PCLO: variants seen among roughly 807,000 people sequenced by gnomAD.
PCLO encodes protein piccolo.
PCLO carries 82 observed loss-of-function variants against 427.5 expected under a neutral mutation model. The ratio of observed to expected loss-of-function variants is 0.19; its 90% confidence interval spans 0.16 to 0.23. The LOEUF (loss-of-function observed/expected upper bound fraction) is 0.23. PCLO is among the 10% of genes least tolerant of loss of function. The probability of loss-of-function intolerance (pLI) is 1.00; values close to 1 mark genes in which losing one functional copy is unlikely to be tolerated. For missense variants in PCLO, 6,239 were observed against 6,115.9 expected, an observed-to-expected ratio of 1.02 and a Z score of -0.67; for synonymous variants, 2,357 against 2,155.4, an observed-to-expected ratio of 1.09 and a Z score of -2.59.
chr7:83,083,320 A>G (rs1790150444), intron 3 of PCLO, among the ~76,000 whole-genome samples: 1 of 152,030 alleles, frequency 6.6e-6, no homozygotes, highest in African/African-American at 2.4e-5. Context: ...ATGTTTGGAA[A>G]GCAATGTACA....
chr7:82,875,812 A>C (rs1793355496), intron 10 of PCLO, among the ~76,000 whole-genome samples: 1 of 152,142 alleles, frequency 6.6e-6, no homozygotes, highest in Non-Finnish European at 1.5e-5. Context: ...AAATCAAAAT[A>C]AAACTATAAA....
chr7:82,994,950 G>GATT (rs1420960946), intron 3 of PCLO, among the ~76,000 whole-genome samples: 3 of 151,908 alleles, frequency 2.0e-5, no homozygotes, highest in Non-Finnish European at 4.4e-5. Flanking sequence ...TTTCTGGGTG[G>GATT]ATTACTGTGT....
At chr7:82,801,672 G>T (rs535096033) in intron 21 of PCLO, 81 bp from the exon 22 acceptor site, 15 of 808,764 alleles carry the variant, frequency 1.9e-5, no homozygotes, top group Non-Finnish European at 2.6e-5. Flanking sequence ...TAAATAAAAT[G>T]ACATTGATAG....
intron 22 of PCLO, among the ~76,000 whole-genome samples, chr7:82,773,561 G>A (rs964607390): frequency 1.3e-5 from 2 of 151,956 alleles, no homozygotes; most frequent in Non-Finnish European, 2.9e-5. Flanking sequence ...GCTTTCTTCA[G>A]AAGCAACATA....
intron 16 of PCLO, among the ~76,000 whole-genome samples, chr7:82,830,047 C>G (rs1350900582): frequency 1.3e-5 from 2 of 151,598 alleles, no homozygotes; most frequent in Non-Finnish European, 2.9e-5. Flanking sequence ...ATATGACATA[C>G]ATATATATTA....
chr7:82,851,879 C>T (rs976760272), intron 10 of PCLO, among the ~76,000 whole-genome samples: 1 of 152,068 alleles, frequency 6.6e-6, no homozygotes, highest in Admixed American at 6.6e-5. Context: ...ACTCATTGCT[C>T]ATTCATTTTA....
intron 2 of PCLO, among the ~76,000 whole-genome samples, chr7:83,146,518 A>C (rs1224149645): frequency 6.6e-6 from 1 of 152,126 alleles, no homozygotes; most frequent in Non-Finnish European, 1.5e-5. Context: ...AAACTGTTAG[A>C]TATGTGTGTT....
intron 3 of PCLO, among the ~76,000 whole-genome samples, chr7:83,037,184 C>A (rs2116180487): frequency 6.6e-6 from 1 of 152,232 alleles, no homozygotes; most frequent in Non-Finnish European, 1.5e-5. Flanking sequence ...TAGCAGGTTG[C>A]TAGGCTACTT....
chr7:83,039,821 T>C (rs1788927678), intron 3 of PCLO, among the ~76,000 whole-genome samples: 1 of 152,178 alleles, frequency 6.6e-6, no homozygotes, highest in Admixed American at 6.5e-5. Flanking sequence ...TCTTCCAATC[T>C]ATTAACATGG....
At chr7:83,158,031 C>T (rs370304056) in intron 1 of PCLO, among the ~76,000 whole-genome samples, 1 of 151,774 alleles carries the variant, frequency 6.6e-6, no homozygotes, top group African/African-American at 2.4e-5. Flanking sequence ...AGCAGAAAGA[C>T]GCAAAGAAGC....
At chr7:82,986,476 C>G (rs1796260067) in intron 3 of PCLO, among the ~76,000 whole-genome samples, 1 of 151,878 alleles carries the variant, frequency 6.6e-6, no homozygotes. Flanking sequence ...TTCACTGACA[C>G]ACAGAAGAGG....
chr7:83,162,422 G>C lies in PCLO; in HGVS notation c.171C>G (p.Ala57=). Residue 57 remains alanine, a synonymous_variant, in exon 1 of 25, where the codon GCC becomes GCG. Coordinates refer to ENST00000333891, the MANE Select transcript of PCLO (RefSeq NM_033026.6). ...GCCCCTGCGCCCTTGACATGACAGC[G>C]GCGATCTGTCTCCTCTCCTCTTCGC... ...QLSEEERRQI[A]AVMSRAQGLP... is the part of the protein sequence containing the mutation. 6.3e-7 allele frequency: 1 copy of C among 1,597,226 alleles called. No homozygotes were observed.
intron 3 of PCLO, among the ~76,000 whole-genome samples, chr7:83,051,842 G>C (rs1261735679): frequency 6.6e-6 from 1 of 152,032 alleles, no homozygotes; most frequent in Non-Finnish European, 1.5e-5. Flanking sequence ...TGTGGTTTTG[G>C]CAAGAAAGAC....
intron 3 of PCLO, among the ~76,000 whole-genome samples, chr7:83,100,555 C>A (rs4504580): frequency 0.46 from 69,793 of 151,892 alleles, 16,445 homozygotes; most frequent in East Asian, 0.71. Flanking sequence ...AACACAGAAA[C>A]AGAAAACCAA....
intron 6 of PCLO, 129 bp downstream of exon 6, chr7:82,949,347 G>T: frequency 1.4e-6 from 1 of 702,050 alleles, no homozygotes; most frequent in Non-Finnish European, 2.4e-6. Context: ...AATTTCTAAG[G>T]CAATAATCTT....
At chr7:82,820,347 T>A (rs1381856928) in intron 20 of PCLO, 1 of 208,210 alleles carries the variant, frequency 4.8e-6, no homozygotes. Flanking sequence ...CTCTCAAATG[T>A]CCAATCATTA....
rs1795521794 is a variant in PCLO, at chr7:82,956,419, A to T, written c.4534T>A (p.Ser1512Thr). The change falls in exon 5 of 25, where the codon TCA becomes ACA. Residue 1512 changes from serine to threonine, a missense_variant. Coordinates refer to ENST00000333891, the MANE Select transcript of PCLO (RefSeq NM_033026.6). ...DITTRREPYD[S>T]VEESSESENS... ...TCACTTTCACTACTCTCTTCAACTG[A>T]ATCATAAGGCTCTCTTCTAGTAGTT... is the stretch of plus-strand genomic sequence containing the variant. 6.2e-7 allele frequency: 1 copy of T among 1,613,772 alleles called. No homozygotes were observed. Among genetic ancestry groups the T allele is most frequent in the African/African-American group, 1.3e-5 (1 of 75,038 alleles).
At chr7:82,967,137 T>C (rs960620001) in intron 3 of PCLO, among the ~76,000 whole-genome samples, 3 of 151,914 alleles carry the variant, frequency 2.0e-5, no homozygotes, top group African/African-American at 7.2e-5. Context: ...TCTCAATTAT[T>C]TGGTATCTTT....
intron 10 of PCLO, among the ~76,000 whole-genome samples, chr7:82,859,388 T>C (rs544348220): frequency 6.6e-6 from 1 of 152,292 alleles, no homozygotes; most frequent in Admixed American, 6.5e-5. Context: ...CCCCCAGCTT[T>C]AGGTGGCTCA....
Sources: gnomAD v4.1 joint callset for allele counts (sites outside exome capture counted in the v4.1 genomes callset) on GRCh38, gnomAD v4.1.1 for gene constraint, MANE v1.5 for transcripts, NCBI Gene and HGNC (gene_info 2026-07-23, HGNC 2026-07-21) for gene names.